The following RAB28 variants were observed in gnomAD, a reference collection of about 807,000 sequenced individuals.
The protein encoded by RAB28 is RAB28, member RAS oncogene family.
Under a neutral mutation model 31.7 loss-of-function variants are expected in RAB28, and 24 were observed. The observed-to-expected ratio is 0.76, with a 90% CI of 0.55 to 1.06. The LOEUF (loss-of-function observed/expected upper bound fraction) is 1.06. RAB28 is among the 50% of genes least tolerant of loss of function. The pLI is 0.00. For synonymous variants in RAB28, 100 were observed against 90.4 expected (o/e 1.11, Z -0.60); for missense variants, 254 against 258.5 (o/e 0.98, Z 0.12).
chr4:13,460,588 T>G, intron 4 of RAB28, 111 bp downstream of exon 4: 1 of 1,337,620 alleles, frequency 7.5e-7, no homozygotes. Flanking sequence ...ACACCATCAT[T>G]TTGGGGATTA....
chr4:13,446,193 A>G (rs73819864), intron 4 of RAB28, among the ~76,000 whole-genome samples: 11,397 of 152,176 alleles, frequency 0.075, 1,038 homozygotes, highest in African/African-American at 0.22. Flanking sequence ...CTAAAGCCAC[A>G]GTAATGGCGG....
intron 3 of RAB28, among the ~76,000 whole-genome samples, chr4:13,463,458 ATTTG>A (rs974845435): frequency 2.0e-5 from 3 of 152,162 alleles, no homozygotes; most frequent in African/African-American, 7.2e-5. Context: ...AGTCACAATC[ATTTG>A]TTTAAGTATT....
chr4:13,445,586 C>A (rs1253508147), intron 4 of RAB28, among the ~76,000 whole-genome samples: 1 of 151,940 alleles, frequency 6.6e-6, no homozygotes, highest in African/African-American at 2.4e-5. Context: ...TCGTTGCTTT[C>A]CATTTGTTTT....
At chr4:13,408,890 C>T (rs1712259649) in intron 4 of RAB28, among the ~76,000 whole-genome samples, 1 of 151,944 alleles carries the variant, frequency 6.6e-6, no homozygotes, top group South Asian at 2.1e-4. Context: ...AAATAATTTG[C>T]CATGCTAACA....
At chr4:13,479,368 T>C (rs1716504824) in intron 2 of RAB28, 62 bp downstream of exon 2, 3 of 1,242,408 alleles carry the variant, frequency 2.4e-6, no homozygotes, top group Admixed American at 2.0e-5. Flanking sequence ...ATTTCTTTCT[T>C]ATGCCACTTA....
chr4:13,428,309 C>T (rs1325561046), intron 4 of RAB28, among the ~76,000 whole-genome samples: 1 of 152,092 alleles, frequency 6.6e-6, no homozygotes, highest in Non-Finnish European at 1.5e-5. Context: ...CCTAACAAAG[C>T]ATGAAAACAA....
Position 13,368,497 on chromosome 4 carries a change from T to C in RAB28, c.*61A>G, listed in dbSNP as rs1428013009. Reference sequence around the variant, plus strand: ...CACTGATAAAACAAGTTCCTAGAAGTCCTCGGGCCCACCCAGAGGTGAAGG... The same window carrying C: ...CACTGATAAAACAAGTTCCTAGAAGCCCTCGGGCCCACCCAGAGGTGAAGG... On this transcript the variant is annotated 3_prime_UTR_variant, in exon 7 of 7. Transcript: ENST00000330852. 6.5e-6 allele frequency: 10 copies of C among 1,541,672 alleles called. No individual in the cohort carries two copies. The highest frequency in any genetic ancestry group is 8.7e-6 in the Non-Finnish European group (10 of 1,150,998).
At chr4:13,481,096 T>C (rs535085505) in intron 1 of RAB28, among the ~76,000 whole-genome samples, 1 of 152,142 alleles carries the variant, frequency 6.6e-6, no homozygotes, top group East Asian at 1.9e-4. Context: ...ATTTTTCACT[T>C]TAAAGAATCT....
chr4:13,457,841 G>A (rs1428229813), intron 4 of RAB28, among the ~76,000 whole-genome samples: 1 of 151,974 alleles, frequency 6.6e-6, no homozygotes, highest in African/African-American at 2.4e-5. Flanking sequence ...ATATAATTAT[G>A]TACCACTACA....
chr4:13,484,186 G>A lies in RAB28; in HGVS notation c.-36C>T, dbSNP rs532562940. On this transcript the variant is annotated 5_prime_UTR_variant, in exon 1 of 7. Coordinates refer to ENST00000330852, the MANE Select transcript of RAB28 (RefSeq NM_001017979.3). ...GAACCAGGCCCGCCCCTCGAGGTGG[G>A]GGGGGAAGGGAAGGATGAAGGCTCC... is the stretch of plus-strand genomic sequence containing the variant. 5.8e-6 allele frequency: 9 copies of A among 1,539,240 alleles called. No homozygotes were observed. Among genetic ancestry groups the A allele is most frequent in the Admixed American group, 3.8e-5 (2 of 52,686 alleles).
chr4:13,449,210 G>T (rs897510766), intron 4 of RAB28, among the ~76,000 whole-genome samples: 1 of 151,838 alleles, frequency 6.6e-6, no homozygotes, highest in African/African-American at 2.4e-5. Context: ...TATACAAGTT[G>T]ATATGAATCC....
intron 4 of RAB28, among the ~76,000 whole-genome samples, chr4:13,391,225 C>T (rs1235434089): frequency 6.6e-6 from 1 of 152,014 alleles, no homozygotes; most frequent in East Asian, 1.9e-4. Context: ...AACAAACAAC[C>T]CCATCAAAAA....
chr4:13,368,666 A>G lies in RAB28; in HGVS notation c.574-16T>C. ...TCACCACCCTCTGTCATAAAAGAAAACAGAGTTATTATCAGGATATCAGAA... is the reference window on the plus strand; with the variant it reads ...TCACCACCCTCTGTCATAAAAGAAAGCAGAGTTATTATCAGGATATCAGAA... On this transcript the variant is annotated splice_polypyrimidine_tract_variant and intron_variant, in intron 6 of 6. Coordinates refer to ENST00000330852, the MANE Select transcript of RAB28 (RefSeq NM_001017979.3). 6.3e-7 allele frequency: 1 copy of G among 1,595,296 alleles called. No individual in the cohort carries two copies. The highest frequency in any genetic ancestry group is 8.6e-7 in the Non-Finnish European group (1 of 1,165,558).
intron 4 of RAB28, among the ~76,000 whole-genome samples, chr4:13,385,566 C>T (rs1729332268): frequency 1.3e-5 from 2 of 152,098 alleles, no homozygotes; most frequent in Admixed American, 1.3e-4. Flanking sequence ...GAAATTCCAG[C>T]CCAGAATTTC....
At chr4:13,440,902 A>G (rs2108940890) in intron 4 of RAB28, among the ~76,000 whole-genome samples, 1 of 152,286 alleles carries the variant, frequency 6.6e-6, no homozygotes, top group Middle Eastern at 3.4e-3. Flanking sequence ...ACAGCTACGT[A>G]CATGCCACTG....
chr4:13,435,255 A>C (rs1054795082), intron 4 of RAB28, among the ~76,000 whole-genome samples: 7 of 152,004 alleles, frequency 4.6e-5, no homozygotes, highest in East Asian at 3.9e-4. Flanking sequence ...TATGGTACTA[A>C]ATGCCTACAT....
At chr4:13,400,369 T>G (rs1711680423) in intron 4 of RAB28, among the ~76,000 whole-genome samples, 1 of 152,156 alleles carries the variant, frequency 6.6e-6, no homozygotes, top group African/African-American at 2.4e-5. Flanking sequence ...CAAATACCAT[T>G]TGGAGTTTTG....
chr4:13,475,690 C>CATT (rs141049169), intron 2 of RAB28, among the ~76,000 whole-genome samples: 14,219 of 151,538 alleles, frequency 0.094, 1,297 homozygotes, highest in African/African-American at 0.24. Flanking sequence ...TTATCACCAT[C>CATT]ATTACCACAG....
intron 5 of RAB28, 116 bp downstream of exon 5, chr4:13,381,375 T>C: frequency 1.5e-6 from 1 of 663,902 alleles, no homozygotes; most frequent in Non-Finnish European, 2.6e-6. Flanking sequence ...CTAAGGAATT[T>C]CATGTTTTCA....
Sources: gnomAD v4.1 joint callset for allele counts (sites outside exome capture counted in the v4.1 genomes callset) on GRCh38, gnomAD v4.1.1 for gene constraint, MANE v1.5 for transcripts, NCBI Gene and HGNC (gene_info 2026-07-23, HGNC 2026-07-21) for gene names.